Variants in PDE1A observed in about 807,000 individuals in gnomAD.
The protein encoded by PDE1A is phosphodiesterase 1A.
In PDE1A, 35 loss-of-function variants were observed where a neutral mutation model predicts 61.7. The ratio of observed to expected loss-of-function variants is 0.57; its 90% CI spans 0.43 to 0.75. PDE1A has a LOEUF of 0.75. Among genes scored for constraint, PDE1A ranks in the 30% least tolerant of loss-of-function variants. PDE1A has a pLI of 0.00. For synonymous variants in PDE1A, 232 were observed against 213.2 expected (o/e 1.09, Z -0.77); for missense variants, 597 against 630.6 (o/e 0.95, Z 0.57).
At chr2:182,217,963 T>C (rs1688354013) in intron 7 of PDE1A, among the ~76,000 whole-genome samples, 4 of 151,562 alleles carry the variant, frequency 2.6e-5, no homozygotes, top group Admixed American at 6.6e-5. Flanking sequence ...TAAAGACACA[T>C]GCAAACGTAT....
chr2:182,370,910 AC>A (rs1452571319), intron 1 of PDE1A, among the ~76,000 whole-genome samples: 1 of 152,168 alleles, frequency 6.6e-6, no homozygotes, highest in Non-Finnish European at 1.5e-5. Context: ...TCCAGCAAAG[AC>A]CCAGAAAAAA....
At chr2:182,498,473 A>C (rs184816568) in intron 2 of PDE1A, among the ~76,000 whole-genome samples, 163 of 152,224 alleles carry the variant, frequency 1.1e-3, no homozygotes, top group Non-Finnish European at 6.3e-4. Context: ...AAAAAATATA[A>C]GAAAATTTCA....
the PDE1A span, among the ~76,000 whole-genome samples, chr2:182,547,565 T>C: frequency 6.6e-6 from 1 of 152,170 alleles, no homozygotes; most frequent in South Asian, 2.1e-4. Context: ...AAATACTAAT[T>C]AAAACACATA....
chr2:182,186,614 G>T (rs928737918), intron 11 of PDE1A, 26 bp from the exon 12 acceptor site: 28 of 1,575,826 alleles, frequency 1.8e-5, no homozygotes, highest in Non-Finnish European at 2.3e-5. Context: ...TGAGAAGAGA[G>T]AGAGATAAAT....
intron 1 of PDE1A, among the ~76,000 whole-genome samples, chr2:182,330,999 C>T (rs1366744096): frequency 6.6e-6 from 1 of 152,144 alleles, no homozygotes; most frequent in Admixed American, 6.5e-5. Flanking sequence ...CTCCACCTTG[C>T]CTCTTAAATT....
rs557209949 is a variant in PDE1A, at chr2:182,313,250, T to TA, written c.54-48837dup. On this transcript the variant is annotated intron_variant, in intron 1 of 13. Transcript: ENST00000351439. ...CCAACATGGTGAAACCTCGTCTCTATAAAAAACATAAAAATTAGCCAGGTG... is the reference window on the plus strand; with the variant it reads ...CCAACATGGTGAAACCTCGTCTCTATAAAAAAACATAAAAATTAGCCAGGTG... Among the ~76,000 whole-genome samples, 564 of 151,994 alleles carry TA rather than the reference T, an allele frequency of 3.7e-3. 2 individuals are homozygous for TA. Among genetic ancestry groups the TA allele is most frequent in the African/African-American group, 0.013 (533 of 41,460 alleles).
intron 1 of PDE1A, among the ~76,000 whole-genome samples, chr2:182,290,208 G>A (rs1175459621): frequency 1.3e-5 from 2 of 152,020 alleles, no homozygotes; most frequent in African/African-American, 2.4e-5. Flanking sequence ...TGTCCATTAA[G>A]CTCAGGAATT....
intron 2 of PDE1A, among the ~76,000 whole-genome samples, chr2:182,460,620 T>C (rs1196791191): frequency 1.3e-5 from 2 of 152,138 alleles, no homozygotes; most frequent in African/African-American, 2.4e-5. Context: ...CTTTCATGTA[T>C]GAAACCAGAG....
intron 7 of PDE1A, among the ~76,000 whole-genome samples, chr2:182,223,641 G>GT (rs1183950417): frequency 1.3e-5 from 2 of 151,958 alleles, no homozygotes; most frequent in East Asian, 3.9e-4. Flanking sequence ...ACATTTTCAT[G>GT]TTCTTTAAAT....
chr2:182,363,840 A>G (rs1699657624), intron 1 of PDE1A, among the ~76,000 whole-genome samples: 2 of 152,044 alleles, frequency 1.3e-5, no homozygotes, highest in African/African-American at 4.8e-5. Context: ...CAATAGTCTC[A>G]ATAAAAGATG....
chr2:182,703,214 C>G, the PDE1A span, among the ~76,000 whole-genome samples: 1 of 152,200 alleles, frequency 6.6e-6, no homozygotes, highest in Non-Finnish European at 1.5e-5. Context: ...TTTCTAATAA[C>G]TCTTCAATCT....
upstream of PDE1A, among the ~76,000 whole-genome samples, chr2:182,527,165 T>C (rs1690784260): frequency 6.7e-6 from 1 of 150,054 alleles, no homozygotes. Context: ...GAGAATTAGC[T>C]AATAAGAAAA....
At chr2:182,360,725 T>G (rs567734842) in intron 1 of PDE1A, among the ~76,000 whole-genome samples, 9 of 152,052 alleles carry the variant, frequency 5.9e-5, no homozygotes, top group Non-Finnish European at 8.8e-5. Context: ...TAGAAGTTTT[T>G]TTTTTCCCCC....
chr2:182,539,661 G>A, the PDE1A span, among the ~76,000 whole-genome samples: 10 of 152,168 alleles, frequency 6.6e-5, no homozygotes, highest in African/African-American at 1.9e-4. Context: ...GGAAAAAAAC[G>A]TTGTGTTACT....
the PDE1A span, among the ~76,000 whole-genome samples, chr2:182,667,634 T>A: frequency 6.6e-6 from 1 of 152,242 alleles, no homozygotes; most frequent in Admixed American, 6.5e-5. Flanking sequence ...TAGATTCCTT[T>A]CTGCACATGT....
At chr2:182,577,980 GGAAGGA>G in the PDE1A span, among the ~76,000 whole-genome samples, 64 of 144,596 alleles carry the variant, frequency 4.4e-4, no homozygotes, top group African/African-American at 1.6e-3. Flanking sequence ...AAGGAAGGAA[GGAAGGA>G]AGGAAGGGAC....
At chr2:182,420,193 T>TTTTTTTC (rs1703187030) in intron 1 of PDE1A, among the ~76,000 whole-genome samples, 1 of 152,000 alleles carries the variant, frequency 6.6e-6, no homozygotes. Flanking sequence ...CAAGAGTCTC[T>TTTTTTTC]TTTTTTCTGT....
chr2:182,438,028 T>C (rs893044100), intron 2 of PDE1A, among the ~76,000 whole-genome samples: 1 of 151,836 alleles, frequency 6.6e-6, no homozygotes, highest in African/African-American at 2.4e-5. Flanking sequence ...TTGTTATAAA[T>C]AGAATCATAG....
chr2:182,456,827 A>G (rs533259510), intron 2 of PDE1A, among the ~76,000 whole-genome samples: 1 of 152,240 alleles, frequency 6.6e-6, no homozygotes, highest in Admixed American at 6.6e-5. Context: ...GTAAAATCAA[A>G]TTAGTCTCTA....
Sources: allele counts gnomAD v4.1 joint callset (sites outside exome capture counted in the v4.1 genomes callset), GRCh38; gene constraint gnomAD v4.1.1; transcripts MANE v1.5; gene names NCBI Gene and HGNC (gene_info 2026-07-23, HGNC 2026-07-21).